The following ADAMTS18 variants were observed in gnomAD, a reference collection of about 807,000 sequenced individuals.
ADAMTS18 encodes the protein ADAM metallopeptidase with thrombospondin type 1 motif 18.
ADAMTS18 carries 157 observed loss-of-function variants against 165.9 expected under a neutral mutation model. That is an observed-to-expected ratio of 0.95 (90% CI 0.83 to 1.08). The LOEUF (loss-of-function observed/expected upper bound fraction) is 1.08. ADAMTS18 is among the 50% of genes least tolerant of loss of function. The pLI, the probability that ADAMTS18 is intolerant of heterozygous loss-of-function variation, is 0.00. For missense variants in ADAMTS18, 2,040 were observed against 1,534.0 expected (o/e 1.33, Z -5.51); for synonymous variants, 782 against 578.2 (o/e 1.35, Z -5.06).
intron 3 of ADAMTS18, among the ~76,000 whole-genome samples, chr16:77,407,923 T>A (rs1401460022): frequency 6.6e-6 from 1 of 151,916 alleles, no homozygotes; most frequent in Non-Finnish European, 1.5e-5. Flanking sequence ...TTGCGAGAAA[T>A]TAAAATTTAA....
chr16:77,314,634 T>TGTGTG (rs1567474584), intron 16 of ADAMTS18, among the ~76,000 whole-genome samples: 1 of 115,218 alleles, frequency 8.7e-6, no homozygotes, highest in African/African-American at 3.8e-5. Context: ...AATGTGTGTG[T>TGTGTG]ATGTGTGTGT....
At chr16:77,289,154 T>C (rs1363339873) in intron 22 of ADAMTS18, 110 bp downstream of exon 22, 5 of 1,408,032 alleles carry the variant, frequency 3.6e-6, no homozygotes, top group Non-Finnish European at 5.0e-6. Context: ...TTCGGGTGAA[T>C]GGCTTACCCT....
chr16:77,402,192 A>G (rs1003451104), intron 3 of ADAMTS18, among the ~76,000 whole-genome samples: 34 of 152,348 alleles, frequency 2.2e-4, no homozygotes, highest in African/African-American at 8.2e-4. Flanking sequence ...CGTTGCAAAC[A>G]CACAGGTATA....
intron 20 of ADAMTS18, 198 bp downstream of exon 20, chr16:77,292,878 G>A (rs1288492877): frequency 1.8e-6 from 1 of 551,616 alleles, no homozygotes; most frequent in African/African-American, 1.9e-5. Context: ...GGAGTGCAGT[G>A]GCGCAATCTC....
intron 3 of ADAMTS18, among the ~76,000 whole-genome samples, chr16:77,404,557 G>A (rs2057370941): frequency 6.6e-6 from 1 of 152,166 alleles, no homozygotes; most frequent in Non-Finnish European, 1.5e-5. Flanking sequence ...CTGGAAATAA[G>A]AGCAAACATA....
chr16:77,310,629 C>T (rs2055762937), intron 16 of ADAMTS18, among the ~76,000 whole-genome samples: 1 of 141,480 alleles, frequency 7.1e-6, no homozygotes, highest in African/African-American at 2.7e-5. Flanking sequence ...TATGTCTTAA[C>T]CTTTTTTTCT....
At chr16:77,371,412 C>T (rs1021669043) in intron 3 of ADAMTS18, among the ~76,000 whole-genome samples, 1 of 152,060 alleles carries the variant, frequency 6.6e-6, no homozygotes, top group African/African-American at 2.4e-5. Flanking sequence ...ACCAAAAAAA[C>T]ATGGCATAGG....
intron 4 of ADAMTS18, among the ~76,000 whole-genome samples, 167 bp from the exon 5 acceptor site, chr16:77,364,548 A>G (rs1384160902): frequency 6.9e-6 from 1 of 144,848 alleles, no homozygotes; most frequent in Non-Finnish European, 1.5e-5. Context: ...TGCATCTAGT[A>G]TGTGGTCAAG....
chr16:77,418,043 T>G (rs1256538261), intron 3 of ADAMTS18, among the ~76,000 whole-genome samples: 6 of 152,168 alleles, frequency 3.9e-5, no homozygotes, highest in African/African-American at 1.4e-4. Context: ...AAGGGTGAAT[T>G]TTATTATAAA....
rs75610609 is a variant in ADAMTS18, at chr16:77,382,227, T to G, written c.496-14504A>C. Among the ~76,000 whole-genome samples the G allele has an allele frequency of 1.3e-4, 17 of 127,652 alleles. No individual in the cohort carries two copies. The East Asian group carries it at 2.8e-3, about 21-fold the overall frequency. 83.7% of individuals were successfully genotyped at this position (127,652 alleles called of 152,430 possible). ...TTTTTGTTTGTTTGTTTGTTTGTTTTTTTGAGACAGAGTCGCTCTGTTGCC... is the reference window on the plus strand; with the variant it reads ...TTTTTGTTTGTTTGTTTGTTTGTTTGTTTGAGACAGAGTCGCTCTGTTGCC... On this transcript the variant is annotated intron_variant, in intron 3 of 22. Transcript: ENST00000282849.
chr16:77,285,931 T>TTTCACCTTAACTGCCAGTAATCTTCC (rs1331281767), intron 22 of ADAMTS18, among the ~76,000 whole-genome samples: 1 of 152,194 alleles, frequency 6.6e-6, no homozygotes, highest in Non-Finnish European at 1.5e-5. Context: ...CCTGCACTCC[T>TTTCACCTTAACTGCCAGTAATCTTCC]TTCACCTTAA....
At chr16:77,289,509 C>G (rs975357982) in intron 21 of ADAMTS18, 98 bp from the exon 22 acceptor site, 5 of 1,417,482 alleles carry the variant, frequency 3.5e-6, no homozygotes, top group Non-Finnish European at 4.9e-6. Flanking sequence ...TAACAAGATG[C>G]CTGCTGATGA....
Position 77,291,401 on chromosome 16 carries a change from T to C in ADAMTS18, c.3267A>G (p.Ile1089Met), listed in dbSNP as rs1236005120. Residue 1089 changes from isoleucine to methionine, a missense_variant, in exon 21 of 23, where the codon ATA becomes ATG. Ile to Met is a conservative substitution (Grantham distance 10). Coordinates refer to ENST00000282849, the MANE Select transcript of ADAMTS18 (RefSeq NM_199355.4). ...CSEKGFQGKL[I>M]TFPERRCRNI... ...TACGGCATCTTCGCTCTGGGAAAGTTATCAGCTTTCCCTGGAAGCCCTTCT... is the reference window on the plus strand; with the variant it reads ...TACGGCATCTTCGCTCTGGGAAAGTCATCAGCTTTCCCTGGAAGCCCTTCT... The C allele has an allele frequency of 1.9e-6, 3 of 1,614,076 alleles. No individual in the cohort carries two copies. Among genetic ancestry groups the C allele is most frequent in the East Asian group, 2.2e-5 (1 of 44,886 alleles).
At chr16:77,314,565 T>C (rs1254147381) in intron 16 of ADAMTS18, among the ~76,000 whole-genome samples, 1 of 148,278 alleles carries the variant, frequency 6.7e-6, no homozygotes, top group Non-Finnish European at 1.5e-5. Context: ...TGAGCCAAGA[T>C]TGTGCCATTG....
chr16:77,295,546 A>G (rs1246915097), intron 18 of ADAMTS18, among the ~76,000 whole-genome samples: 2 of 152,174 alleles, frequency 1.3e-5, no homozygotes, highest in African/African-American at 2.4e-5. Context: ...TAAAGACAGT[A>G]CTTTCTGATA....
At chr16:77,344,919 C>CT (rs981521764) in intron 10 of ADAMTS18, among the ~76,000 whole-genome samples, 14 of 152,128 alleles carry the variant, frequency 9.2e-5, no homozygotes, top group African/African-American at 3.1e-4. Context: ...AGAGTTTGCA[C>CT]TTTTTTTGCT....
At chr16:77,349,950 T>C (rs1597154987) in intron 10 of ADAMTS18, among the ~76,000 whole-genome samples, 1 of 152,202 alleles carries the variant, frequency 6.6e-6, no homozygotes, top group South Asian at 2.1e-4. Flanking sequence ...TGACAGTAAC[T>C]GTGCTGGCTA....
chr16:77,312,614 G>T (rs971412317), intron 16 of ADAMTS18, among the ~76,000 whole-genome samples: 13 of 152,104 alleles, frequency 8.5e-5, no homozygotes, highest in South Asian at 2.1e-4. Flanking sequence ...TTTTGTCAGG[G>T]CTAAATCATG....
chr16:77,286,289 T>A (rs1488947358), intron 22 of ADAMTS18, among the ~76,000 whole-genome samples: 1 of 152,156 alleles, frequency 6.6e-6, no homozygotes, highest in African/African-American at 2.4e-5. Context: ...TGAAGGTGTT[T>A]TCCTATTTCC....
Sources: allele counts gnomAD v4.1 joint callset (sites outside exome capture counted in the v4.1 genomes callset), GRCh38; gene constraint gnomAD v4.1.1; transcripts MANE v1.5; gene names NCBI Gene and HGNC (gene_info 2026-07-23, HGNC 2026-07-21).